MAX: variants seen among roughly 807,000 people sequenced by gnomAD.
The protein encoded by MAX is MYC associated transcriptional regulator X, also known as protein max.
A neutral mutation model predicts 22.3 loss-of-function variants in MAX; 3 were observed. The observed-to-expected ratio is 0.13, with a 90% confidence interval of 0.06 to 0.35. MAX has a LOEUF of 0.35. Ranked by LOEUF, MAX falls within the 10% of genes least tolerant of loss-of-function variation. MAX has a pLI of 1.00. For missense variants in MAX, 119 were observed against 209.4 expected, an observed-to-expected ratio of 0.57 and a Z score of 2.66; for synonymous variants, 72 against 77.7, an observed-to-expected ratio of 0.93 and a Z score of 0.39.
intron 1 of MAX, 119 bp downstream of exon 1, chr14:65,102,185 A>C: frequency 6.5e-7 from 1 of 1,537,884 alleles, no homozygotes; most frequent in Non-Finnish European, 8.8e-7. Context: ...CCTGGCCCCG[A>C]GGGGAAGGGG....
intron 2 of MAX, among the ~76,000 whole-genome samples, 154 bp downstream of exon 2, chr14:65,101,392 C>CA (rs1329186475): frequency 6.6e-6 from 1 of 152,138 alleles, no homozygotes; most frequent in Admixed American, 6.5e-5. Flanking sequence ...GCAACCCCCC[C>CA]ACCCTCCAGA....
chr14:65,084,979 G>A lies in MAX; in HGVS notation c.172-6943C>T, dbSNP rs533029845. 4.7e-3 allele frequency among the ~76,000 whole-genome samples: 713 copies of A among 152,176 alleles called. 7 individuals carry two copies. Among genetic ancestry groups the A allele is most frequent in the African/African-American group, 0.016 (671 of 41,510 alleles). On this transcript the variant is annotated intron_variant, in intron 3 of 4. Coordinates refer to ENST00000358664, the MANE Select transcript of MAX (RefSeq NM_002382.5). This position sits in a 1 kb window ranked among gnomAD's most constrained non-coding sequence, Gnocchi z 4.3. Reference sequence around the variant, plus strand: ...TAGTCACATTAAATGGGGCAGGGGGGGTACGGAGAGTCTATTTTTGGATTA... The same window carrying A: ...TAGTCACATTAAATGGGGCAGGGGGAGTACGGAGAGTCTATTTTTGGATTA...
chr14:65,033,187 C>T (rs978128668), intron 3 of MAX, among the ~76,000 whole-genome samples: 2 of 152,028 alleles, frequency 1.3e-5, no homozygotes, highest in Non-Finnish European at 1.5e-5. Context: ...ACTAGAGTTA[C>T]ATGTATCAAT....
At chr14:65,052,632 A>G (rs1390475602) in intron 3 of MAX, among the ~76,000 whole-genome samples, 2 of 152,214 alleles carry the variant, frequency 1.3e-5, no homozygotes, top group Non-Finnish European at 2.9e-5. Context: ...TAGTAGTATT[A>G]CCAGAATACC....
At chr14:65,052,226 TAATAG>T (rs1368824120) in intron 3 of MAX, among the ~76,000 whole-genome samples, 1 of 152,182 alleles carries the variant, frequency 6.6e-6, no homozygotes, top group Non-Finnish European at 1.5e-5. Context: ...GCAGATTATG[TAATAG>T]AATAGAAAAT....
chr14:65,068,211 G>A (rs1036888618), intron 3 of MAX, among the ~76,000 whole-genome samples: 2 of 152,128 alleles, frequency 1.3e-5, no homozygotes, highest in African/African-American at 4.8e-5. Flanking sequence ...GAGGCAGGTG[G>A]ATCACTTGAG....
At chr14:65,087,164 G>T (rs1447141960) in intron 3 of MAX, among the ~76,000 whole-genome samples, 1 of 152,234 alleles carries the variant, frequency 6.6e-6, no homozygotes, top group Non-Finnish European at 1.5e-5. Flanking sequence ...GGAAACACCT[G>T]TATGTCCAGG....
chr14:65,100,198 T>TTA, intron 2 of MAX, among the ~76,000 whole-genome samples: 1 of 152,328 alleles, frequency 6.6e-6, no homozygotes, highest in South Asian at 2.1e-4. Context: ...ATGCCTGTAA[T>TTA]CCCAGCACTT....
chr14:65,080,308 T>C (rs543342926), intron 3 of MAX, among the ~76,000 whole-genome samples: 1 of 152,228 alleles, frequency 6.6e-6, no homozygotes, highest in Non-Finnish European at 1.5e-5. Context: ...GCAGAAGGAA[T>C]GAGAGTTCCT....
Position 65,032,538 on chromosome 14 carries a change from G to T in MAX, c.172-26254C>A. On this transcript the variant is annotated intron_variant, in intron 3 of 3. Transcript: ENST00000341653. The surrounding 1 kb of genome is among the most constrained non-coding windows in gnomAD (Gnocchi z 5.0). ...GCTTACTAGGCAAGGCGAGCAGTCCGCCCGCGGAGTTCACTGAGCCTCATT... is the reference window on the plus strand; with the variant it reads ...GCTTACTAGGCAAGGCGAGCAGTCCTCCCGCGGAGTTCACTGAGCCTCATT... 1 of 1,558,912 alleles carries T rather than the reference G, an allele frequency of 6.4e-7. No individual in the cohort carries two copies. Among genetic ancestry groups the T allele is most frequent in the South Asian group, 1.2e-5 (1 of 85,802 alleles).
chr14:65,031,978 A>ATGTG lies in MAX; in HGVS notation c.172-25695_172-25694insCACA, dbSNP rs2062093881. ...TATAGACGTGCGCCTTTTTCATTTA[A>ATGTG]CGTGTGTGTGTGTGTGTGTGTGTGT... On this transcript the variant is annotated intron_variant, in intron 3 of 3. Transcript: ENST00000341653. This position sits in a 1 kb window ranked among gnomAD's most constrained non-coding sequence, Gnocchi z 4.6. Among the ~76,000 whole-genome samples, 1 of 111,552 alleles carries ATGTG rather than the reference A, an allele frequency of 9.0e-6. No individual in the cohort carries two copies. Among genetic ancestry groups the ATGTG allele is most frequent in the Non-Finnish European group, 1.8e-5 (1 of 54,742 alleles). The allele number at this position is 111,552 out of a possible 152,430, so 73.2% of individuals were successfully genotyped here.
intron 3 of MAX, among the ~76,000 whole-genome samples, chr14:65,006,921 G>C (rs8011914): frequency 0.018 from 2,749 of 152,224 alleles, 96 homozygotes; most frequent in African/African-American, 0.063. Flanking sequence ...CTGATTCATA[G>C]CTGGTAGGTC....
chr14:65,075,339 C>T lies in MAX; in HGVS notation c.*1137G>A. The T allele has an allele frequency of 9.4e-7, 1 of 1,063,422 alleles. No homozygotes were observed. The highest frequency in any genetic ancestry group is 1.1e-6 in the Non-Finnish European group (1 of 877,882). The allele number at this position is 1,063,422 out of a possible 1,614,324, so 65.9% of individuals were successfully genotyped here. ...GAAATGAGGCCTAAACACACAAAAC[C>T]CTTCACTGGCATCTGCTGACCACAG... is the stretch of plus-strand genomic sequence containing the variant. On this transcript the variant is annotated 3_prime_UTR_variant, in exon 5 of 5. Transcript: ENST00000358664. The surrounding 1 kb of genome is among the most constrained non-coding windows in gnomAD (Gnocchi z 4.1).
intron 2 of MAX, among the ~76,000 whole-genome samples, chr14:65,094,565 C>T (rs1353918466): frequency 1.3e-5 from 2 of 152,258 alleles, no homozygotes; most frequent in African/African-American, 4.8e-5. Context: ...AATAAATTCT[C>T]TCAGGTACCT....
Position 65,077,014 on chromosome 14 carries a change from C to G in MAX, c.296-351G>C. The G allele has an allele frequency of 3.7e-6, 2 of 542,856 alleles. No homozygotes were observed. Among genetic ancestry groups the G allele is most frequent in the Non-Finnish European group, 6.6e-6 (2 of 303,602 alleles). The allele number at this position is 542,856 out of a possible 1,614,324, so 33.6% of individuals were successfully genotyped here. On this transcript the variant is annotated intron_variant, in intron 4 of 4. Transcript: ENST00000358664. This position sits in a 1 kb window ranked among gnomAD's most constrained non-coding sequence, Gnocchi z 6.3. ...AACAGAGGAGAAGCTGGCCCAGGAGCATGAGGCTCCACAAGGTGTGAGGCC... is the reference window on the plus strand; with the variant it reads ...AACAGAGGAGAAGCTGGCCCAGGAGGATGAGGCTCCACAAGGTGTGAGGCC...
At position 65,054,667 on chromosome 14, in the gene MAX, T is replaced by A; in HGVS notation, c.171+39041A>T. ...GGAGCCATGTTGCATGATGTGGTCC[T>A]GGGTGTGCCCGAAAACGCTCTGGTA... On this transcript the variant is annotated intron_variant, in intron 3 of 3. Transcript: ENST00000341653. This position sits in a 1 kb window ranked among gnomAD's most constrained non-coding sequence, Gnocchi z 4.4. 6.2e-7 allele frequency: 1 copy of A among 1,612,654 alleles called. No homozygotes were observed. The highest frequency in any genetic ancestry group is 8.5e-7 in the Non-Finnish European group (1 of 1,179,386).
chr14:65,029,156 G>A lies in MAX; in HGVS notation c.172-22872C>T, dbSNP rs1328437288. ...CTCTTTGGGTGATGCTCTGCCATTC[G>A]TGCCCGTGCTTTCTATTTACATAAA... On this transcript the variant is annotated intron_variant, in intron 3 of 3. Transcript: ENST00000341653. This position sits in a 1 kb window ranked among gnomAD's most constrained non-coding sequence, Gnocchi z 4.7. Among the ~76,000 whole-genome samples, 1 of 152,052 alleles carries A rather than the reference G, an allele frequency of 6.6e-6. No individual in the cohort carries two copies. Among genetic ancestry groups the A allele is most frequent in the East Asian group, 1.9e-4 (1 of 5,194 alleles).
At chr14:65,051,411 G>C (rs2062606423) in intron 3 of MAX, among the ~76,000 whole-genome samples, 1 of 152,178 alleles carries the variant, frequency 6.6e-6, no homozygotes, top group African/African-American at 2.4e-5. Flanking sequence ...AGGAGTTAGA[G>C]AGCAGCCTGA....
rs903118641 is a variant in MAX at position 65,102,358 on chromosome 14, C to A, written c.-19G>T. 5 of 1,613,306 alleles carry A rather than the reference C, an allele frequency of 3.1e-6. No individual in the cohort carries two copies. Among genetic ancestry groups the A allele is most frequent in the South Asian group, 1.1e-5 (1 of 90,970 alleles). ...CGCTCATTTCCTACGGCCCAGGGAG[C>A]GGCCACTGCAGCGGCGGCGGGGAGG... On this transcript the variant is annotated 5_prime_UTR_variant, in exon 1 of 5. Transcript: ENST00000358664.
Sources: allele counts gnomAD v4.1 joint callset (sites outside exome capture counted in the v4.1 genomes callset), GRCh38; gene constraint gnomAD v4.1.1; non-coding constraint Gnocchi (gnomAD v3.1); transcripts MANE v1.5; gene names NCBI Gene and HGNC (gene_info 2026-07-23, HGNC 2026-07-21).